CNTNAP2: variants seen among roughly 807,000 people sequenced by gnomAD.
CNTNAP2 encodes the protein contactin-associated protein-like 2.
CNTNAP2 carries 98 observed loss-of-function variants against 155.2 expected under a neutral mutation model. The ratio of observed to expected loss-of-function variants is 0.63; its 90% CI spans 0.54 to 0.75. CNTNAP2 has a LOEUF of 0.75. CNTNAP2 is among the 30% of genes least tolerant of loss of function. CNTNAP2 has a pLI of 0.00. For synonymous variants in CNTNAP2, 651 were observed against 631.2 expected (o/e 1.03, Z -0.47); for missense variants, 1,727 against 1,688.1 (o/e 1.02, Z -0.40).
At chr7:147,928,976 C>A (rs1800448323) in intron 14 of CNTNAP2, among the ~76,000 whole-genome samples, 1 of 151,100 alleles carries the variant, frequency 6.6e-6, no homozygotes, top group African/African-American at 2.4e-5. Flanking sequence ...CCTGTAATCC[C>A]AGCTACTCAG....
chr7:147,897,020 C>T (rs1420659458), intron 13 of CNTNAP2: 1 of 152,198 alleles, frequency 6.6e-6, no homozygotes, highest in African/African-American at 2.4e-5. Context: ...CACCACTGCC[C>T]AAACAATTCA....
At chr7:147,159,546 CA>C (rs1446964857) in intron 8 of CNTNAP2, among the ~76,000 whole-genome samples, 14 of 152,022 alleles carry the variant, frequency 9.2e-5, no homozygotes, top group Non-Finnish European at 2.1e-4. Context: ...TTTTTAAACA[CA>C]GATTAAATGC....
chr7:147,285,609 C>T (rs1324578594), intron 8 of CNTNAP2, among the ~76,000 whole-genome samples: 1 of 151,784 alleles, frequency 6.6e-6, no homozygotes, highest in Admixed American at 6.6e-5. Flanking sequence ...ATACTTTTTG[C>T]ATTGCATCTA....
At chr7:146,499,255 T>A (rs1301291815) in intron 1 of CNTNAP2, among the ~76,000 whole-genome samples, 1 of 152,186 alleles carries the variant, frequency 6.6e-6, no homozygotes, top group Non-Finnish European at 1.5e-5. Flanking sequence ...CCATCTTGGC[T>A]CACTGCAATC....
intron 7 of CNTNAP2, among the ~76,000 whole-genome samples, chr7:147,131,190 C>T (rs1265545699): frequency 1.3e-5 from 2 of 149,706 alleles, no homozygotes; most frequent in African/African-American, 4.9e-5. Flanking sequence ...ATACATATAC[C>T]ATACACATGT....
At chr7:146,547,269 T>A (rs897898525) in intron 1 of CNTNAP2, among the ~76,000 whole-genome samples, 2 of 152,054 alleles carry the variant, frequency 1.3e-5, no homozygotes, top group African/African-American at 4.8e-5. Context: ...GACCTGAAAC[T>A]GTAATTTTTA....
chr7:146,163,559 ATATC>A (rs1161267293), intron 1 of CNTNAP2, among the ~76,000 whole-genome samples: 16 of 130,438 alleles, frequency 1.2e-4, no homozygotes, highest in South Asian at 2.3e-4. Flanking sequence ...ATCTATATCT[ATATC>A]TATCTATATC....
At position 146,762,048 on chromosome 7, in the gene CNTNAP2, A is replaced by C. The variant is rs191719446; in HGVS notation, c.98-12223A>C. Among the ~76,000 whole-genome samples, 185 of 152,340 alleles carry C rather than the reference A, an allele frequency of 1.2e-3. 1 individual carries two copies. Among genetic ancestry groups the C allele is most frequent in the African/African-American group, 4.1e-3 (172 of 41,580 alleles). ...TTAACATAGATCCTTACATTGTTTAAGATAAATTCATACCCAGGGGACTAA... is the reference window on the plus strand; with the variant it reads ...TTAACATAGATCCTTACATTGTTTACGATAAATTCATACCCAGGGGACTAA... On this transcript the variant is annotated intron_variant, in intron 1 of 23. Coordinates refer to ENST00000361727, the MANE Select transcript of CNTNAP2 (RefSeq NM_014141.6).
At chr7:147,285,154 G>T (rs974324296) in intron 8 of CNTNAP2, among the ~76,000 whole-genome samples, 1 of 150,206 alleles carries the variant, frequency 6.7e-6, no homozygotes, top group Non-Finnish European at 1.5e-5. Context: ...AAGAATAATT[G>T]TTTCTATTCA....
intron 8 of CNTNAP2, among the ~76,000 whole-genome samples, chr7:147,299,932 T>C (rs925591937): frequency 2.0e-5 from 3 of 152,112 alleles, no homozygotes; most frequent in Admixed American, 6.6e-5. Flanking sequence ...CTTGATTGGG[T>C]TATATTATGC....
chr7:148,238,263 C>T (rs947469068), intron 20 of CNTNAP2, among the ~76,000 whole-genome samples: 1 of 152,100 alleles, frequency 6.6e-6, no homozygotes, highest in Non-Finnish European at 1.5e-5. Context: ...ACAGGAGAAT[C>T]GCTTGAACCC....
chr7:146,535,210 TATG>T (rs376459083), intron 1 of CNTNAP2, among the ~76,000 whole-genome samples: 1 of 44,474 alleles, frequency 2.2e-5, no homozygotes, highest in Non-Finnish European at 3.2e-5. Flanking sequence ...ATATCATATA[TATG>T]ATATTATATC....
chr7:146,763,349 T>C (rs1802138082), intron 1 of CNTNAP2, among the ~76,000 whole-genome samples: 1 of 152,202 alleles, frequency 6.6e-6, no homozygotes, highest in South Asian at 2.1e-4. Context: ...AGTAAGGCCT[T>C]CTGAAACCTC....
intron 20 of CNTNAP2, chr7:148,263,207 G>A (rs61169012): frequency 0.11 from 16,769 of 152,096 alleles, 1,492 homozygotes; most frequent in African/African-American, 0.25. Context: ...GGATATCCTC[G>A]TCACTTCTCA....
At chr7:147,770,615 A>T (rs1340502045) in intron 13 of CNTNAP2, among the ~76,000 whole-genome samples, 1 of 152,210 alleles carries the variant, frequency 6.6e-6, no homozygotes, top group Non-Finnish European at 1.5e-5. Context: ...AAATATCTTC[A>T]CAATGATATA....
At chr7:147,954,881 G>T (rs1211770139) in intron 14 of CNTNAP2, among the ~76,000 whole-genome samples, 1 of 152,166 alleles carries the variant, frequency 6.6e-6, no homozygotes, top group Non-Finnish European at 1.5e-5. Flanking sequence ...AAGGCTGAAA[G>T]ATTTCTATAG....
At chr7:147,126,645 GTATTTTTAGTA>G (rs1801244929) in intron 6 of CNTNAP2, among the ~76,000 whole-genome samples, 2 of 152,094 alleles carry the variant, frequency 1.3e-5, no homozygotes, top group South Asian at 4.2e-4. Context: ...AGCTAATTTT[GTATTTTTAGTA>G]GAGATGGGGT....
chr7:146,325,415 A>G (rs977152057), intron 1 of CNTNAP2, among the ~76,000 whole-genome samples: 1 of 152,214 alleles, frequency 6.6e-6, no homozygotes, highest in Non-Finnish European at 1.5e-5. Context: ...CCCATTTTGC[A>G]TATAGGTATT....
intron 2 of CNTNAP2, among the ~76,000 whole-genome samples, chr7:146,803,534 G>A (rs1024563306): frequency 2.2e-4 from 34 of 152,020 alleles, no homozygotes; most frequent in Non-Finnish European, 4.3e-4. Context: ...ACACATTGTT[G>A]GCCCTCAATA....
Sources: gnomAD v4.1 joint callset for allele counts (sites outside exome capture counted in the v4.1 genomes callset) on GRCh38, gnomAD v4.1.1 for gene constraint, MANE v1.5 for transcripts, NCBI Gene and HGNC (gene_info 2026-07-23, HGNC 2026-07-21) for gene names.